EPB41L4B: variants seen among roughly 807,000 people sequenced by gnomAD.
EPB41L4B encodes erythrocyte membrane protein band 4.1 like 4B.
A neutral mutation model predicts 112.5 loss-of-function variants in EPB41L4B; 30 were observed. That is an observed-to-expected ratio of 0.27 (90% CI 0.20 to 0.36). EPB41L4B has a LOEUF of 0.36. Among genes scored for constraint, EPB41L4B ranks in the 10% least tolerant of loss-of-function variants. The probability of loss-of-function intolerance (pLI) is 1.00; values close to 1 mark genes in which losing one functional copy is unlikely to be tolerated. For missense variants in EPB41L4B, 1,024 were observed against 1,133.3 expected (o/e 0.90, Z 1.38); for synonymous variants, 408 against 439.7 (o/e 0.93, Z 0.90).
chr9:109,264,026 G>GGA (rs1282492455), intron 5 of EPB41L4B, among the ~76,000 whole-genome samples: 2 of 151,552 alleles, frequency 1.3e-5, no homozygotes, highest in African/African-American at 4.9e-5. Context: ...AGCACAGTAT[G>GGA]GAGAGAGAGA....
rs551778792 is a variant in EPB41L4B, at chr9:109,172,389, C to G, written c.*2165G>C. On this transcript the variant is annotated 3_prime_UTR_variant, in exon 26 of 26. Coordinates refer to ENST00000374566, the MANE Select transcript of EPB41L4B (RefSeq NM_019114.5). ...TATTGTACGGGAACATATTTTGTAT[C>G]ATGTGCACAAGATAAAGAACAGCTA... 6.6e-6 allele frequency: 1 copy of G among 152,238 alleles called. No individual in the cohort carries two copies. Among genetic ancestry groups the G allele is most frequent in the South Asian group, 2.1e-4 (1 of 4,814 alleles). 9.4% of individuals were successfully genotyped at this position (152,238 alleles called of 1,614,324 possible).
chr9:109,234,130 G>T (rs1228014926), intron 15 of EPB41L4B, among the ~76,000 whole-genome samples: 1 of 151,370 alleles, frequency 6.6e-6, no homozygotes. Context: ...CAAAGGCTAT[G>T]ATTTGCTTCC....
At chr9:109,201,477 TA>T (rs1023648835) in intron 19 of EPB41L4B, among the ~76,000 whole-genome samples, 3 of 109,450 alleles carry the variant, frequency 2.7e-5, no homozygotes, top group Non-Finnish European at 4.1e-5. Context: ...AAAAAAAAAG[TA>T]TGTTGAATAA....
intron 13 of EPB41L4B, among the ~76,000 whole-genome samples, chr9:109,248,784 G>A (rs1384925689): frequency 6.6e-6 from 1 of 152,038 alleles, no homozygotes; most frequent in Non-Finnish European, 1.5e-5. Context: ...TATAGGCCGG[G>A]CGTGGTAGCT....
chr9:109,281,730 T>C (rs10979797), intron 1 of EPB41L4B, among the ~76,000 whole-genome samples: 1 of 83,238 alleles, frequency 1.2e-5, no homozygotes, highest in Non-Finnish European at 2.4e-5. Flanking sequence ...ATAAATTAAT[T>C]AATTAATTTT....
At chr9:109,254,998 C>T (rs79241564) in intron 11 of EPB41L4B, among the ~76,000 whole-genome samples, 1,842 of 152,290 alleles carry the variant, frequency 0.012, 18 homozygotes, top group Middle Eastern at 0.017. Context: ...TGATTTTAAG[C>T]GTAATGCCTC....
At chr9:109,303,745 C>T (rs914449962) in intron 1 of EPB41L4B, among the ~76,000 whole-genome samples, 3 of 151,902 alleles carry the variant, frequency 2.0e-5, no homozygotes, top group Non-Finnish European at 4.4e-5. Flanking sequence ...GGCTCAAGCA[C>T]TCCTCCCACC....
chr9:109,179,540 G>C (rs1831975432), intron 24 of EPB41L4B, among the ~76,000 whole-genome samples: 1 of 152,186 alleles, frequency 6.6e-6, no homozygotes, highest in Non-Finnish European at 1.5e-5. Flanking sequence ...TTGAGTTACA[G>C]ACTTGGATTT....
intron 6 of EPB41L4B, among the ~76,000 whole-genome samples, chr9:109,259,203 C>A (rs1410048795): frequency 6.6e-6 from 1 of 152,218 alleles, no homozygotes; most frequent in African/African-American, 2.4e-5. Flanking sequence ...TCAAGCAAAA[C>A]CTGCCTTTTA....
intron 12 of EPB41L4B, among the ~76,000 whole-genome samples, chr9:109,252,321 A>G (rs1437771856): frequency 6.6e-6 from 1 of 152,214 alleles, no homozygotes; most frequent in Non-Finnish European, 1.5e-5. Flanking sequence ...ACACACCAGC[A>G]TAATCCTCCT....
At chr9:109,268,270 TAC>T in intron 3 of EPB41L4B, 119 bp downstream of exon 3, 1 of 883,106 alleles carries the variant, frequency 1.1e-6, no homozygotes, top group Non-Finnish European at 1.7e-6. Flanking sequence ...ATCCACTTAA[TAC>T]CGAATTGATT....
At chr9:109,224,565 G>A (rs1833697848) in intron 15 of EPB41L4B, among the ~76,000 whole-genome samples, 1 of 152,174 alleles carries the variant, frequency 6.6e-6, no homozygotes, top group African/African-American at 2.4e-5. Flanking sequence ...GGAAGGGGGA[G>A]TGACTGCTAA....
chr9:109,203,273 T>C lies in EPB41L4B; in HGVS notation c.1946+390A>G, dbSNP rs1412321170. Among the ~76,000 whole-genome samples the C allele has an allele frequency of 3.3e-5, 5 of 152,314 alleles. No individual in the cohort carries two copies. In the South Asian group the frequency reaches 1.0e-3, roughly 32 times the overall value. On this transcript the variant is annotated intron_variant, in intron 19 of 25. Coordinates refer to ENST00000374566, the MANE Select transcript of EPB41L4B (RefSeq NM_019114.5). ...AAGGGAAGCTGGCCCAAGTCCAAGC[T>C]GGAGTTGTGAGCAGAGGCCAGGTCT...
chr9:109,216,574 G>C (rs1338836859), intron 16 of EPB41L4B, among the ~76,000 whole-genome samples: 1 of 151,506 alleles, frequency 6.6e-6, no homozygotes, highest in African/African-American at 2.4e-5. Context: ...CTGGGAGGGG[G>C]AGGGTGCAAT....
chr9:109,268,641 G>A (rs1380945301), intron 2 of EPB41L4B, among the ~76,000 whole-genome samples: 2 of 152,150 alleles, frequency 1.3e-5, no homozygotes, highest in Non-Finnish European at 2.9e-5. Context: ...GCTCACGCCT[G>A]TAATCCCAGC....
At chr9:109,254,010 C>T (rs532892679) in intron 11 of EPB41L4B, among the ~76,000 whole-genome samples, 4 of 152,234 alleles carry the variant, frequency 2.6e-5, no homozygotes, top group South Asian at 2.1e-4. Flanking sequence ...TTTCAACCAA[C>T]GTGACACCCG....
intron 6 of EPB41L4B, among the ~76,000 whole-genome samples, 181 bp from the exon 7 acceptor site, chr9:109,258,478 T>C (rs1459463376): frequency 6.6e-6 from 1 of 152,228 alleles, no homozygotes; most frequent in Non-Finnish European, 1.5e-5. Flanking sequence ...CTCAAAATCC[T>C]AGAAGCATTC....
chr9:109,286,287 C>G (rs1836277325), intron 1 of EPB41L4B, among the ~76,000 whole-genome samples: 2 of 151,888 alleles, frequency 1.3e-5, no homozygotes, highest in Non-Finnish European at 2.9e-5. Flanking sequence ...TGGGTAAGAT[C>G]TGGGGCCAAG....
intron 1 of EPB41L4B, among the ~76,000 whole-genome samples, chr9:109,305,612 T>C (rs1263155927): frequency 6.6e-6 from 1 of 151,854 alleles, no homozygotes; most frequent in Non-Finnish European, 1.5e-5. Context: ...AGGGAGACTC[T>C]GTCTCAAAAA....
Sources: allele counts gnomAD v4.1 joint callset (sites outside exome capture counted in the v4.1 genomes callset), GRCh38; gene constraint gnomAD v4.1.1; transcripts MANE v1.5; gene names NCBI Gene and HGNC (gene_info 2026-07-23, HGNC 2026-07-21).